The following SMTNL2 variants were observed in gnomAD, a reference collection of about 807,000 sequenced individuals.
SMTNL2 encodes smoothelin-like protein 2.
A neutral mutation model predicts 44.1 loss-of-function variants in SMTNL2; 43 were observed. The observed-to-expected ratio is 0.98, with a 90% CI of 0.76 to 1.26. The LOEUF (loss-of-function observed/expected upper bound fraction) is 1.26. SMTNL2 is among the 50% of genes most tolerant of loss of function. The pLI is 0.00. For missense variants in SMTNL2, 646 were observed against 670.2 expected (o/e 0.96, Z 0.40); for synonymous variants, 317 against 287.6 (o/e 1.10, Z -1.03).
In SMTNL2 at chr17:4,595,009, C is replaced by T. The variant is rs981535772; in HGVS notation, c.807-136C>T. On this transcript the variant is annotated intron_variant, in intron 4 of 7. Transcript: ENST00000389313. The surrounding 1 kb of genome is among the most constrained non-coding windows in gnomAD (Gnocchi z 5.1). ...CTGTCAAACCAGCTAGGGACCGGAGCAAGGGGGCCTCTTCTCTGAGCGCCC... is the reference window on the plus strand; with the variant it reads ...CTGTCAAACCAGCTAGGGACCGGAGTAAGGGGGCCTCTTCTCTGAGCGCCC... The T allele has an allele frequency of 1.7e-6, 2 of 1,175,994 alleles. No individual in the cohort carries two copies. 72.8% of individuals were successfully genotyped at this position (1,175,994 alleles called of 1,614,324 possible).
In SMTNL2 at chr17:4,585,926, C is replaced by T. The variant is rs1011874853; in HGVS notation, c.399+922C>T. On this transcript the variant is annotated intron_variant, in intron 1 of 7. Coordinates refer to ENST00000389313, the MANE Select transcript of SMTNL2 (RefSeq NM_001114974.2). The stretch of plus-strand genomic sequence containing the variant: ...CAGATTGGGCCTTCCCCCTGGAGGT[C>T]CCATCCAGGGTGGGAGATGGCCCCA... Among the ~76,000 whole-genome samples, 5 of 152,098 alleles carry T rather than the reference C, an allele frequency of 3.3e-5. 1 individual carries two copies. Among genetic ancestry groups the T allele is most frequent in the Non-Finnish European group, 7.4e-5 (5 of 68,016 alleles).
At chr17:4,585,288 A>G (rs981757047) in intron 1 of SMTNL2, among the ~76,000 whole-genome samples, 6 of 152,210 alleles carry the variant, frequency 3.9e-5, no homozygotes, top group Non-Finnish European at 7.3e-5. Flanking sequence ...GTCCCATGAC[A>G]TCAACGGCTT....
At position 4,607,261 on chromosome 17, in the gene SMTNL2, G is replaced by C; in HGVS notation, c.1260-100G>C. On this transcript the variant is annotated intron_variant, in intron 7 of 7. Transcript: ENST00000389313. This position sits in a 1 kb window ranked among gnomAD's most constrained non-coding sequence, Gnocchi z 4.7. Reference sequence around the variant, plus strand: ...GGGTCCTTGGGAACCTCTGGCTGCCGGCTGAGCTCTGTTCCCGGGACCGAG... The same window carrying C: ...GGGTCCTTGGGAACCTCTGGCTGCCCGCTGAGCTCTGTTCCCGGGACCGAG... 1 of 1,563,414 alleles carries C rather than the reference G, an allele frequency of 6.4e-7. No individual in the cohort carries two copies. The highest frequency in any genetic ancestry group is 1.2e-5 in the South Asian group (1 of 84,340).
intron 1 of SMTNL2, among the ~76,000 whole-genome samples, chr17:4,588,973 T>C (rs1190639669): frequency 6.6e-6 from 1 of 152,168 alleles, no homozygotes; most frequent in Non-Finnish European, 1.5e-5. Context: ...CCCTTGCGCC[T>C]TGACCTAAGG....
intron 1 of SMTNL2, among the ~76,000 whole-genome samples, chr17:4,591,560 G>A (rs1268887246): frequency 6.6e-6 from 1 of 152,280 alleles, no homozygotes; most frequent in Non-Finnish European, 1.5e-5. Context: ...GTTGCTATAA[G>A]TGGTGTTTAG....
chr17:4,593,138 G>A lies in SMTNL2; in HGVS notation c.697G>A (p.Glu233Lys), dbSNP rs747171558. The A allele has an allele frequency of 5.8e-5, 93 of 1,610,792 alleles. No homozygotes were observed. Among genetic ancestry groups the A allele is most frequent in the Admixed American group, 6.7e-5 (4 of 59,942 alleles). Reference sequence around the variant, plus strand: ...GGGGGGCCTCAACCCAAGCCCCAGCGAGGTCATCACGCCCTGGACTCCCAG... The same window carrying A: ...GGGGGGCCTCAACCCAAGCCCCAGCAAGGTCATCACGCCCTGGACTCCCAG... Reference protein sequence around the residue: ...TLGGLNPSPSEVITPWTPSPS... With the variant: ...TLGGLNPSPSKVITPWTPSPS... The change falls in exon 3 of 8, where the codon GAG becomes AAG. Residue 233 changes from glutamate (E) to lysine (K), a missense_variant. Glu to Lys is a moderately conservative substitution (Grantham distance 56). Coordinates refer to ENST00000389313, the MANE Select transcript of SMTNL2 (RefSeq NM_001114974.2).
rs1909265331 is a variant in SMTNL2 at position 4,584,635 on chromosome 17, G to A, written c.30G>A (p.Ala10=). The change falls in exon 1 of 8, where the codon GCG becomes GCA. Residue 10 remains alanine, a synonymous_variant. Transcript: ENST00000389313. ...AGCCGGCCCCCGACGCCCAGGAGGC[G>A]CGCACTGTGCGCGAGGCGCTGGGCC... MEPAPDAQE[A]RTVREALGRY... The A allele has an allele frequency of 2.4e-6, 3 of 1,259,618 alleles. No individual in the cohort carries two copies. The highest frequency in any genetic ancestry group is 4.3e-5 in the Admixed American group (1 of 23,444). 78.0% of individuals were successfully genotyped at this position (1,259,618 alleles called of 1,614,324 possible). A position where few individuals can be genotyped will look rare whatever the true frequency, so the allele number is the denominator to read the frequency against.
rs1597406490 is a variant in SMTNL2, at chr17:4,584,539, C to G, written c.-67C>G. On this transcript the variant is annotated 5_prime_UTR_variant, in exon 1 of 8. Coordinates refer to ENST00000389313, the MANE Select transcript of SMTNL2 (RefSeq NM_001114974.2). ...CAGCCACGGACGGCCAGTCGCGGCC[C>G]GGAGCTGCGGAGCTCGGATCTTCTC... is the stretch of plus-strand genomic sequence containing the variant. The G allele has an allele frequency of 1.7e-6, 2 of 1,210,990 alleles. No homozygotes were observed. Among genetic ancestry groups the G allele is most frequent in the East Asian group, 3.4e-5 (1 of 29,712 alleles). The allele number at this position is 1,210,990 out of a possible 1,614,324, so 75.0% of individuals were successfully genotyped here.
At chr17:4,587,603 G>T (rs1370177361) in intron 1 of SMTNL2, among the ~76,000 whole-genome samples, 16 of 152,184 alleles carry the variant, frequency 1.1e-4, no homozygotes. Context: ...TGTAGTGGGG[G>T]TCTGGGTGGG....
At chr17:4,594,947 A>G (rs1909744487) in intron 4 of SMTNL2, 198 bp from the exon 5 acceptor site, 3 of 685,384 alleles carry the variant, frequency 4.4e-6, no homozygotes, top group South Asian at 3.7e-5. Flanking sequence ...AGTTGAGCCT[A>G]TTGGCCAGTC....
At position 4,593,114 on chromosome 17, in the gene SMTNL2, G is replaced by C; in HGVS notation, c.673G>C (p.Gly225Arg). The change falls in exon 3 of 8, where the codon GGG becomes CGG. Residue 225 changes from glycine to arginine, a missense_variant. Gly to Arg is a moderately radical substitution (Grantham distance 125). Transcript: ENST00000389313. Reference sequence around the variant, plus strand: ...ATCACCCATGTCTGCTGCCACCCTGGGGGGCCTCAACCCAAGCCCCAGCGA... The same window carrying C: ...ATCACCCATGTCTGCTGCCACCCTGCGGGGCCTCAACCCAAGCCCCAGCGA... Reference protein sequence around the residue: ...ALSPMSAATLGGLNPSPSEVI... With the variant: ...ALSPMSAATLRGLNPSPSEVI... 6.2e-7 allele frequency: 1 copy of C among 1,613,650 alleles called. No homozygotes were observed. Among genetic ancestry groups the C allele is most frequent in the Non-Finnish European group, 8.5e-7 (1 of 1,179,824 alleles).
chr17:4,602,447 C>T (rs1048634268), intron 7 of SMTNL2, among the ~76,000 whole-genome samples: 18 of 151,128 alleles, frequency 1.2e-4, no homozygotes, highest in African/African-American at 3.9e-4. Context: ...CTCAGCCTCC[C>T]GAGTAGCTGG....
At chr17:4,585,858 G>A (rs907369940) in intron 1 of SMTNL2, among the ~76,000 whole-genome samples, 5 of 152,210 alleles carry the variant, frequency 3.3e-5, no homozygotes, top group African/African-American at 9.6e-5. Context: ...CAGATTTCCC[G>A]CTGTGGGCTG....
In SMTNL2 at chr17:4,595,912, C is replaced by T. The variant is rs751311016; in HGVS notation, c.989+585C>T. Among the ~76,000 whole-genome samples, 2 of 151,968 alleles carry T rather than the reference C, an allele frequency of 1.3e-5. No individual in the cohort carries two copies. The highest frequency in any genetic ancestry group is 2.1e-4 in the South Asian group (1 of 4,746). ...TGCTGTGTGCAGAGTGTGGCCCAAG[C>T]GTGGTATTGATGTCTGCTGTGTGCA... On this transcript the variant is annotated intron_variant, in intron 5 of 7. Transcript: ENST00000389313. The surrounding 1 kb of genome is among the most constrained non-coding windows in gnomAD (Gnocchi z 5.1).
intron 1 of SMTNL2, among the ~76,000 whole-genome samples, chr17:4,588,315 T>C (rs1213570910): frequency 1.3e-5 from 2 of 152,222 alleles, no homozygotes; most frequent in Non-Finnish European, 2.9e-5. Context: ...AGAAGGTCCC[T>C]GAAATCAGAC....
chr17:4,593,078 G>A lies in SMTNL2; in HGVS notation c.637G>A (p.Ala213Thr). ...TGACAGGTTCTCTGGGGAGACCTCA[G>A]CTGCGGCTCTATCACCCATGTCTGC... is the stretch of plus-strand genomic sequence containing the variant. ...VSDRFSGETS[A>T]AALSPMSAAT... is the part of the protein sequence containing the mutation. The change falls in exon 3 of 8, where the codon GCT becomes ACT. Residue 213 changes from alanine (A) to threonine (T), a missense_variant. By Grantham distance (58) the Ala-to-Thr change is moderately conservative. Coordinates refer to ENST00000389313, the MANE Select transcript of SMTNL2 (RefSeq NM_001114974.2). 6.2e-7 allele frequency: 1 copy of A among 1,613,998 alleles called. No homozygotes were observed. Among genetic ancestry groups the A allele is most frequent in the Non-Finnish European group, 8.5e-7 (1 of 1,179,986 alleles).
Position 4,595,992 on chromosome 17 carries a change from C to T in SMTNL2, c.989+665C>T, listed in dbSNP as rs539754609. Among the ~76,000 whole-genome samples, 152 of 130,106 alleles carry T rather than the reference C, an allele frequency of 1.2e-3. 2 individuals carry two copies. The highest frequency in any genetic ancestry group is 3.9e-3 in the Admixed American group (51 of 13,006). The allele number at this position is 130,106 out of a possible 152,430, so 85.4% of individuals were successfully genotyped here. A position where few individuals can be genotyped will look rare whatever the true frequency, so the allele number is the denominator to read the frequency against. The stretch of plus-strand genomic sequence containing the variant: ...TGCTGTGTGCAGGGTGTGGCCCACG[C>T]GTGGTATTGATGCCTGCTGTGTGCA... On this transcript the variant is annotated intron_variant, in intron 5 of 7. Transcript: ENST00000389313. The surrounding 1 kb of genome is among the most constrained non-coding windows in gnomAD (Gnocchi z 5.1).
At position 4,600,158 on chromosome 17, in the gene SMTNL2, C is replaced by T. The variant is rs1194851862; in HGVS notation, c.1259+2835C>T. Among the ~76,000 whole-genome samples the T allele has an allele frequency of 6.6e-6, 1 of 152,180 alleles. No homozygotes were observed. Among genetic ancestry groups the T allele is most frequent in the Admixed American group, 6.5e-5 (1 of 15,282 alleles). On this transcript the variant is annotated intron_variant, in intron 7 of 7. Coordinates refer to ENST00000389313, the MANE Select transcript of SMTNL2 (RefSeq NM_001114974.2). The surrounding 1 kb of genome is among the most constrained non-coding windows in gnomAD (Gnocchi z 4.7). ...GGGCTGGGAAGACTGGCTCGCCTGC[C>T]TGGGGCCTCTGGGGAGGACGACAGC...
rs1325252921 is a variant in SMTNL2, at chr17:4,607,421, G to C, written c.1320G>C (p.Lys440Asn). 1 of 1,614,204 alleles carries C rather than the reference G, an allele frequency of 6.2e-7. No homozygotes were observed. Among genetic ancestry groups the C allele is most frequent in the Admixed American group, 1.7e-5 (1 of 60,030 alleles). The change falls in exon 8 of 8, where the codon AAG becomes AAC. Residue 440 changes from lysine to asparagine, a missense_variant. Transcript: ENST00000389313. This position sits in a 1 kb window ranked among gnomAD's most constrained non-coding sequence, Gnocchi z 4.7. ...AGGACATGATGGTGATGGGCCGCAA[G>C]CCGGACCCCATGTGTGTCTTCACCT... Reference protein sequence around the residue: ...EVEDMMVMGRKPDPMCVFTYV... With the variant: ...EVEDMMVMGRNPDPMCVFTYV...
Sources: allele counts gnomAD v4.1 joint callset (sites outside exome capture counted in the v4.1 genomes callset), GRCh38; gene constraint gnomAD v4.1.1; non-coding constraint Gnocchi (gnomAD v3.1); transcripts MANE v1.5; gene names NCBI Gene and HGNC (gene_info 2026-07-23, HGNC 2026-07-21).